The following ENPP3 variants were observed in gnomAD, a reference collection of about 807,000 sequenced individuals.
ENPP3 encodes ectonucleotide pyrophosphatase/phosphodiesterase 3.
ENPP3 carries 104 observed loss-of-function variants against 117.8 expected under a neutral mutation model. That is an observed-to-expected ratio of 0.88 (90% CI 0.75 to 1.04). The LOEUF is 1.04. Among genes scored for constraint, ENPP3 ranks in the 50% least tolerant of loss-of-function variants. The probability of loss-of-function intolerance (pLI) is 0.00; values close to 1 mark genes in which losing one functional copy is unlikely to be tolerated. For synonymous variants in ENPP3, 380 were observed against 349.9 expected, an observed-to-expected ratio of 1.09 and a Z score of -0.96; for missense variants, 1,026 against 1,051.9, an observed-to-expected ratio of 0.98 and a Z score of 0.34.
In ENPP3 at chr6:131,710,978, G is replaced by A. The variant is rs780150813; in HGVS notation, c.1413-7694G>A. On this transcript the variant is annotated intron_variant, in intron 15 of 24. Coordinates refer to ENST00000357639, the MANE Select transcript of ENPP3 (RefSeq NM_005021.5). ...ACTCTGCCTAGCTCCTCCAGGACCA[G>A]CCCCAGGTAGGGCTGAGGGGTAGCA... is the stretch of plus-strand genomic sequence containing the variant. 1.5e-5 allele frequency: 24 copies of A among 1,566,306 alleles called. 5 individuals are homozygous for A. The Admixed American group carries it at 4.5e-4, about 29-fold the overall frequency.
chr6:131,698,379 T>C lies in ENPP3; in HGVS notation c.1412+4755T>C, dbSNP rs538419772. Among the ~76,000 whole-genome samples the C allele has an allele frequency of 1.1e-3, 142 of 130,266 alleles. 1 individual carries two copies. The highest frequency in any genetic ancestry group is 3.7e-3 in the Middle Eastern group (1 of 272). The allele number at this position is 130,266 out of a possible 152,430, so 85.5% of individuals were successfully genotyped here. A position where few individuals can be genotyped will look rare whatever the true frequency, so the allele number is the denominator to read the frequency against. Reference sequence around the variant, plus strand: ...TAGCAGTTTCCTGCCTCTTGTGGGATGAGAAGATTTGCTGTCTAAGATATT... The same window carrying C: ...TAGCAGTTTCCTGCCTCTTGTGGGACGAGAAGATTTGCTGTCTAAGATATT... On this transcript the variant is annotated intron_variant, in intron 15 of 24. Coordinates refer to ENST00000357639, the MANE Select transcript of ENPP3 (RefSeq NM_005021.5).
At chr6:131,683,944 G>A (rs1685770268) in intron 12 of ENPP3, among the ~76,000 whole-genome samples, 2 of 151,900 alleles carry the variant, frequency 1.3e-5, no homozygotes, top group African/African-American at 2.4e-5. Context: ...GTAGCGATGG[G>A]GTTTCACCGT....
chr6:131,733,660 A>G lies in ENPP3; in HGVS notation c.2026A>G (p.Ser676Gly). Residue 676 changes from serine to glycine, a missense_variant, in exon 21 of 25, where the codon AGC becomes GGC. Physicochemically the swap from Ser to Gly is moderately conservative, Grantham distance 56. Transcript: ENST00000357639. Reference sequence around the variant, plus strand: ...TGATGTCAGGGTTCCTCCTTCTGAGAGCCAAAAATGTTCCTTCTATTTAGC... The same window carrying G: ...TGATGTCAGGGTTCCTCCTTCTGAGGGCCAAAAATGTTCCTTCTATTTAGC... ...RADVRVPPSESQKCSFYLADK... is the reference protein window; with the variant it reads ...RADVRVPPSEGQKCSFYLADK... 2 of 1,614,100 alleles carry G rather than the reference A, an allele frequency of 1.2e-6. No homozygotes were observed. Among genetic ancestry groups the G allele is most frequent in the Non-Finnish European group, 1.7e-6 (2 of 1,179,998 alleles).
At chr6:131,739,449 A>C (rs1780476320) in intron 23 of ENPP3, among the ~76,000 whole-genome samples, 3 of 152,306 alleles carry the variant, frequency 2.0e-5, no homozygotes, top group South Asian at 4.1e-4. Context: ...GGGTGAATGA[A>C]AGTCCAAACA....
intron 17 of ENPP3, 35 bp downstream of exon 17, chr6:131,720,414 T>G: frequency 9.0e-7 from 1 of 1,110,918 alleles, no homozygotes; most frequent in African/African-American, 1.6e-5. Flanking sequence ...CAACAAAATA[T>G]GGATAGTTTT....
At chr6:131,700,363 C>A in intron 15 of ENPP3, 1 of 391,248 alleles carries the variant, frequency 2.6e-6, no homozygotes, top group Admixed American at 6.1e-5. Context: ...TCAGATAATT[C>A]TCATGTCCAT....
rs578024213 is a variant in ENPP3 at position 131,727,633 on chromosome 6, A to G, written c.1953+1433A>G. On this transcript the variant is annotated intron_variant, in intron 20 of 24. Coordinates refer to ENST00000357639, the MANE Select transcript of ENPP3 (RefSeq NM_005021.5). Reference sequence around the variant, plus strand: ...GTCAGTCCAAACACTTCTCTGGGGCAGGGATGATTTTATTTAATGCATCCT... The same window carrying G: ...GTCAGTCCAAACACTTCTCTGGGGCGGGGATGATTTTATTTAATGCATCCT... Among the ~76,000 whole-genome samples, 22 of 151,758 alleles carry G rather than the reference A, an allele frequency of 1.4e-4. No homozygotes were observed. The South Asian group carries it at 4.4e-3, about 30-fold the overall frequency.
At chr6:131,653,938 T>G (rs113731311) in intron 5 of ENPP3, among the ~76,000 whole-genome samples, 66 of 152,096 alleles carry the variant, frequency 4.3e-4, no homozygotes, top group African/African-American at 1.6e-3. Flanking sequence ...TGCCAGGGCC[T>G]GGAAATGTGC....
At chr6:131,666,636 T>G (rs935065797) in intron 6 of ENPP3, among the ~76,000 whole-genome samples, 1 of 152,230 alleles carries the variant, frequency 6.6e-6, no homozygotes, top group East Asian at 1.9e-4. Context: ...ATTCATGCAT[T>G]GTTCTCATCA....
chr6:131,675,156 G>C lies in ENPP3; in HGVS notation c.839G>C (p.Gly280Ala). The C allele has an allele frequency of 6.2e-7, 1 of 1,612,418 alleles. No homozygotes were observed. The highest frequency in any genetic ancestry group is 8.5e-7 in the Non-Finnish European group (1 of 1,178,606). Residue 280 changes from glycine (G) to alanine (A), a missense_variant, in exon 9 of 25, where the codon GGC becomes GCC. Gly to Ala is a moderately conservative substitution (Grantham distance 60). Coordinates refer to ENST00000357639, the MANE Select transcript of ENPP3 (RefSeq NM_005021.5). Reference protein sequence around the residue: ...FWPGSEVAINGSFPSIYMPYN... With the variant: ...FWPGSEVAINASFPSIYMPYN... The stretch of plus-strand genomic sequence containing the variant: ...CCCGGATCAGAAGTGGCTATAAATG[G>C]CTCCTTTCCTTCCATATACATGCCT...
chr6:131,643,119 C>T (rs1408040098), intron 2 of ENPP3, among the ~76,000 whole-genome samples: 1 of 152,148 alleles, frequency 6.6e-6, no homozygotes, highest in African/African-American at 2.4e-5. Flanking sequence ...CTAGTATGAC[C>T]TAGGAGCACA....
rs61741320 is a variant in ENPP3 at position 131,746,900 on chromosome 6, G to A, written c.2572G>A (p.Val858Ile). ...LDFYQDKVQP[V>I]SEILQLKTYL... ...CTTCTATCAGGATAAAGTGCAGCCT[G>A]TCTCTGAAATTTTGCAACTAAAGAC... is the stretch of plus-strand genomic sequence containing the variant. The change falls in exon 25 of 25, where the codon GTC (valine) becomes ATC (isoleucine). Residue 858 changes from valine to isoleucine, a missense_variant. Coordinates refer to ENST00000357639, the MANE Select transcript of ENPP3 (RefSeq NM_005021.5). The A allele has an allele frequency of 1.1e-3, 1,835 of 1,611,488 alleles. 4 individuals carry two copies. Among genetic ancestry groups the A allele is most frequent in the Non-Finnish European group, 1.5e-3 (1,750 of 1,178,718 alleles).
At chr6:131,703,810 T>C (rs896064547) in intron 15 of ENPP3, among the ~76,000 whole-genome samples, 5 of 151,106 alleles carry the variant, frequency 3.3e-5, no homozygotes, top group African/African-American at 1.2e-4. Flanking sequence ...TATTAAGTCA[T>C]CACCTCCACA....
chr6:131,729,590 A>G (rs79873548), intron 20 of ENPP3, among the ~76,000 whole-genome samples: 1 of 152,348 alleles, frequency 6.6e-6, no homozygotes, highest in South Asian at 2.1e-4. Context: ...CGTTGCTTCA[A>G]AAATTCCAGG....
intron 21 of ENPP3, 150 bp from the exon 22 acceptor site, chr6:131,737,205 T>G (rs1780415154): frequency 1.8e-6 from 1 of 554,976 alleles, no homozygotes; most frequent in Non-Finnish European, 3.1e-6. Context: ...TAAAACTGCC[T>G]GCATTATTAA....
At chr6:131,676,679 T>C in intron 9 of ENPP3, 57 bp from the exon 10 acceptor site, 1 of 1,144,482 alleles carries the variant, frequency 8.7e-7, no homozygotes, top group Non-Finnish European at 1.3e-6. Flanking sequence ...AGGAATGTAA[T>C]GGAGTTATTC....
chr6:131,737,200 C>G (rs887089572), intron 21 of ENPP3, among the ~76,000 whole-genome samples, 155 bp from the exon 22 acceptor site: 3 of 152,186 alleles, frequency 2.0e-5, no homozygotes, highest in Non-Finnish European at 4.4e-5. Flanking sequence ...AGGCATAAAA[C>G]TGCCTGCATT....
At chr6:131,693,696 A>C (rs745976110) in intron 15 of ENPP3, 72 bp downstream of exon 15, 188 of 1,434,938 alleles carry the variant, frequency 1.3e-4, no homozygotes, top group Non-Finnish European at 1.8e-4. Context: ...ACTTAACCTT[A>C]CCCTGCTATT....
At chr6:131,646,605 A>G (rs189921407) in intron 2 of ENPP3, among the ~76,000 whole-genome samples, 1 of 151,734 alleles carries the variant, frequency 6.6e-6, no homozygotes, top group Non-Finnish European at 1.5e-5. Context: ...GCTTTTACCA[A>G]TTCTCCTATA....
Sources: gnomAD v4.1 joint callset for allele counts (sites outside exome capture counted in the v4.1 genomes callset) on GRCh38, gnomAD v4.1.1 for gene constraint, MANE v1.5 for transcripts, NCBI Gene and HGNC (gene_info 2026-07-23, HGNC 2026-07-21) for gene names.